Variants in TPH2 observed in about 807,000 individuals in gnomAD.
TPH2 encodes tryptophan hydroxylase 2, also known as tryptophan 5-hydroxylase 2.
TPH2 carries 27 observed loss-of-function variants against 59.1 expected under a neutral mutation model. That is an observed-to-expected ratio of 0.46 (90% CI 0.34 to 0.63). The LOEUF (loss-of-function observed/expected upper bound fraction) is 0.63. Ranked by LOEUF, TPH2 falls within the 30% of genes least tolerant of loss-of-function variation. The pLI is 0.01. For missense variants in TPH2, 523 were observed against 588.3 expected, an observed-to-expected ratio of 0.89 and a Z score of 1.15; for synonymous variants, 220 against 210.5, an observed-to-expected ratio of 1.05 and a Z score of -0.39.
Position 72,031,735 on chromosome 12 carries a change from G to C in TPH2, c.*40G>C. ...TTGTTGCCAGCATGATCTTTTTGGG[G>C]CTTAGCAGCAGTTCAGTCAATGTCA... On this transcript the variant is annotated 3_prime_UTR_variant, in exon 11 of 11. Coordinates refer to ENST00000333850, the MANE Select transcript of TPH2 (RefSeq NM_173353.4). 2 of 1,611,784 alleles carry C rather than the reference G, an allele frequency of 1.2e-6. No individual in the cohort carries two copies. Among genetic ancestry groups the C allele is most frequent in the Non-Finnish European group, 1.7e-6 (2 of 1,178,236 alleles).
At chr12:71,991,910 G>A (rs888119063) in intron 7 of TPH2, among the ~76,000 whole-genome samples, 1 of 152,142 alleles carries the variant, frequency 6.6e-6, no homozygotes, top group African/African-American at 2.4e-5. Context: ...TGCTAGGAGA[G>A]CTCCTAGAGT....
At chr12:72,018,958 C>T (rs1873336292) in intron 8 of TPH2, among the ~76,000 whole-genome samples, 1 of 152,166 alleles carries the variant, frequency 6.6e-6, no homozygotes, top group Admixed American at 6.6e-5. Flanking sequence ...TCATCTTCCT[C>T]AACTTGAATT....
At chr12:71,944,785 A>G (rs1378145840) in intron 4 of TPH2, 99 bp downstream of exon 4, 3 of 1,094,498 alleles carry the variant, frequency 2.7e-6, no homozygotes, top group African/African-American at 1.5e-5. Context: ...TTATTATAGA[A>G]CAATTTATTA....
At chr12:72,025,054 G>C (rs1360595902) in intron 9 of TPH2, among the ~76,000 whole-genome samples, 1 of 152,086 alleles carries the variant, frequency 6.6e-6, no homozygotes, top group Non-Finnish European at 1.5e-5. Context: ...TGCCCTGCTT[G>C]TGAAAGTACC....
intron 6 of TPH2, among the ~76,000 whole-genome samples, chr12:71,975,598 T>C (rs1872096293): frequency 6.6e-6 from 1 of 152,186 alleles, no homozygotes. Flanking sequence ...TGTTCCTTAC[T>C]AGAAAATTTC....
At chr12:71,990,014 T>A (rs181256661) in intron 7 of TPH2, among the ~76,000 whole-genome samples, 3 of 151,828 alleles carry the variant, frequency 2.0e-5, no homozygotes, top group African/African-American at 7.3e-5. Flanking sequence ...CTTTGAAAGG[T>A]CTTGTATTTC....
chr12:71,978,814 T>A, intron 6 of TPH2, 138 bp from the exon 7 acceptor site: 1 of 1,049,660 alleles, frequency 9.5e-7, no homozygotes, highest in Non-Finnish European at 1.5e-6. Context: ...TAACAGTATA[T>A]GTCACTCAGT....
chr12:71,972,620 G>C lies in TPH2; in HGVS notation c.710G>C (p.Arg237Pro), dbSNP rs771657319. 1 of 1,613,994 alleles carries C rather than the reference G, an allele frequency of 6.2e-7. No individual in the cohort carries two copies. Among genetic ancestry groups the C allele is most frequent in the Non-Finnish European group, 8.5e-7 (1 of 1,180,014 alleles). ...LSKLYPTHAC[R>P]EYLKNFPLLT... ...AAACTCTATCCCACTCATGCTTGCC[G>C]AGAGTATTTGAAAAACTTCCCTCTG... The change falls in exon 6 of 11, where the codon CGA (arginine) becomes CCA (proline). Residue 237 changes from arginine (R) to proline (P), a missense_variant. By Grantham distance (103) the Arg-to-Pro change is moderately radical (BLOSUM62 -2). Coordinates refer to ENST00000333850, the MANE Select transcript of TPH2 (RefSeq NM_173353.4).
Position 71,961,708 on chromosome 12 carries a change from G to A in TPH2, c.609-10811G>A, listed in dbSNP as rs1273570129. 3 of 1,348,642 alleles carry A rather than the reference G, an allele frequency of 2.2e-6. No individual in the cohort carries two copies. In the African/African-American group the frequency reaches 4.4e-5, roughly 20 times the overall value. The allele number at this position is 1,348,642 out of a possible 1,614,324, so 83.5% of individuals were successfully genotyped here. On this transcript the variant is annotated intron_variant, in intron 5 of 10. Transcript: ENST00000333850. ...GCTGTTGATATTTAATTTCATGATA[G>A]TTTTTGCAGATGAAAATCACTTCTC... is the stretch of plus-strand genomic sequence containing the variant.
chr12:71,969,174 C>T lies in TPH2; in HGVS notation c.609-3345C>T, dbSNP rs536151741. Among the ~76,000 whole-genome samples, 143 of 151,960 alleles carry T rather than the reference C, an allele frequency of 9.4e-4. 4 individuals are homozygous for T. The East Asian group carries it at 0.014, about 15-fold the overall frequency. On this transcript the variant is annotated intron_variant, in intron 5 of 10. Coordinates refer to ENST00000333850, the MANE Select transcript of TPH2 (RefSeq NM_173353.4). ...GGCGGGCGCCTGTAGTCCCAGCTACCCCGGAGGCTGAGGCAGGAGAATGGC... is the reference window on the plus strand; with the variant it reads ...GGCGGGCGCCTGTAGTCCCAGCTACTCCGGAGGCTGAGGCAGGAGAATGGC...
At chr12:71,979,204 A>T in intron 7 of TPH2, 117 bp downstream of exon 7, 1 of 1,418,008 alleles carries the variant, frequency 7.1e-7, no homozygotes, top group Non-Finnish European at 9.9e-7. Context: ...AGCTAGTGAG[A>T]GTCACATCAC....
intron 1 of TPH2, among the ~76,000 whole-genome samples, chr12:71,939,416 G>T (rs923488352): frequency 5.3e-5 from 7 of 133,022 alleles, no homozygotes; most frequent in African/African-American, 2.0e-4. Context: ...AAAAAAAAAT[G>T]GAGTGTGAAG....
intron 9 of TPH2, among the ~76,000 whole-genome samples, chr12:72,025,396 C>T (rs759930415): frequency 6.6e-6 from 1 of 152,134 alleles, no homozygotes; most frequent in Non-Finnish European, 1.5e-5. Context: ...ACATTCTATA[C>T]TTTGTGCTAT....
chr12:71,964,859 T>C (rs1412793542), intron 5 of TPH2: 1 of 506,190 alleles, frequency 2.0e-6, no homozygotes, highest in Non-Finnish European at 2.5e-6. Flanking sequence ...CATGGGGTTT[T>C]GTTGTACATA....
In TPH2 at chr12:71,944,488, T is replaced by C. The variant is rs753298468; in HGVS notation, c.439+11T>C. The C allele has an allele frequency of 1.9e-5, 30 of 1,613,886 alleles. No individual in the cohort carries two copies. Among genetic ancestry groups the C allele is most frequent in the Non-Finnish European group, 2.5e-5 (29 of 1,179,852 alleles). On this transcript the variant is annotated intron_variant, in intron 3 of 10. Transcript: ENST00000333850. ...GGACAGAGGAAGAAGGCAAGGGTGG[T>C]CTTAGCTTGTCGGGTAACTTTGCAA...
chr12:71,964,444 G>C, intron 5 of TPH2: 1 of 943,862 alleles, frequency 1.1e-6, no homozygotes, highest in Non-Finnish European at 1.3e-6. Flanking sequence ...CACCATGCCC[G>C]GTTAATTTTA....
At chr12:71,941,556 G>C in intron 1 of TPH2, 28 bp from the exon 2 acceptor site, 2 of 1,609,418 alleles carry the variant, frequency 1.2e-6, no homozygotes, top group Non-Finnish European at 1.7e-6. Context: ...CTAATATTTT[G>C]TTTTATTATG....
chr12:72,025,585 A>G (rs957857326), intron 9 of TPH2, among the ~76,000 whole-genome samples: 1 of 152,208 alleles, frequency 6.6e-6, no homozygotes, highest in Non-Finnish European at 1.5e-5. Context: ...GTTAGCATAA[A>G]TCTTACAACC....
chr12:71,981,811 G>A (rs1398361987), intron 7 of TPH2, among the ~76,000 whole-genome samples: 1 of 151,944 alleles, frequency 6.6e-6, no homozygotes, highest in Non-Finnish European at 1.5e-5. Context: ...AGATGGAGAA[G>A]TTTCTGGTAG....
Sources: gnomAD v4.1 joint callset for allele counts (sites outside exome capture counted in the v4.1 genomes callset) on GRCh38, gnomAD v4.1.1 for gene constraint, MANE v1.5 for transcripts, NCBI Gene and HGNC (gene_info 2026-07-23, HGNC 2026-07-21) for gene names.